IPO11: variants seen among roughly 807,000 people sequenced by gnomAD.
The protein encoded by IPO11 is importin 11.
In IPO11, 66 loss-of-function variants were observed where a neutral mutation model predicts 143.2. The observed-to-expected ratio is 0.46, with a 90% CI of 0.38 to 0.57. The LOEUF is 0.57. Among genes scored for constraint, IPO11 ranks in the 20% least tolerant of loss-of-function variants. IPO11 has a pLI of 0.00. For synonymous variants in IPO11, 385 were observed against 377.8 expected, an observed-to-expected ratio of 1.02 and a Z score of -0.22; for missense variants, 1,026 against 1,141.0, an observed-to-expected ratio of 0.90 and a Z score of 1.45.
chr5:62,459,557 C>CT (rs541435835), intron 5 of IPO11, among the ~76,000 whole-genome samples: 17,703 of 146,088 alleles, frequency 0.12, 1,120 homozygotes, highest in African/African-American at 0.18. Context: ...ATACTTAAGC[C>CT]TTTTTTTTTT....
At chr5:62,473,795 A>G (rs971986866) in intron 7 of IPO11, among the ~76,000 whole-genome samples, 1 of 152,132 alleles carries the variant, frequency 6.6e-6, no homozygotes, top group African/African-American at 2.4e-5. Flanking sequence ...TTAATTATTC[A>G]AAACATATCT....
At position 62,536,764 on chromosome 5, in the gene IPO11, TCAA is replaced by T. The variant is rs1459342937; in HGVS notation, c.2155_2157del (p.Thr719del). The T allele has an allele frequency of 5.7e-6, 9 of 1,565,538 alleles. No homozygotes were observed. The highest frequency in any genetic ancestry group is 2.0e-5 in the Admixed American group (1 of 49,656). ...CATCAATGGTTATATCTTTTTATCATCAACAGAATTTTTACAGGTATGTTGGAG... is the reference window on the plus strand; with the variant it reads ...CATCAATGGTTATATCTTTTTATCATCAGAATTTTTACAGGTATGTTGGAG... On this transcript the variant is annotated inframe_deletion, in exon 23 of 30. Coordinates refer to ENST00000325324, the MANE Select transcript of IPO11 (RefSeq NM_016338.5).
intron 1 of IPO11, among the ~76,000 whole-genome samples, chr5:62,432,957 A>G (rs1744043890): frequency 6.6e-6 from 1 of 152,170 alleles, no homozygotes. Context: ...TCTTCATTAC[A>G]ATTAGCAAGT....
Position 62,515,462 on chromosome 5 carries a change from G to A in IPO11, c.1857G>A (p.Leu619=). ...LWKQSEEHNM[L]RCAILTTLIH... The stretch of plus-strand genomic sequence containing the variant: ...AGCAGAGTGAAGAACACAATATGTT[G>A]AGATGTGCTATTTTGACAACACTTA... Residue 619 remains leucine (L), a synonymous_variant, in exon 20 of 30, where the codon TTG becomes TTA. Transcript: ENST00000325324. The A allele has an allele frequency of 6.2e-7, 1 of 1,609,194 alleles. No individual in the cohort carries two copies. The highest frequency in any genetic ancestry group is 8.5e-7 in the Non-Finnish European group (1 of 1,178,302).
At chr5:62,555,337 C>G (rs905703868) in intron 26 of IPO11, among the ~76,000 whole-genome samples, 1 of 151,036 alleles carries the variant, frequency 6.6e-6, no homozygotes, top group Non-Finnish European at 1.5e-5. Context: ...TTTTGAGAGA[C>G]AGAGTCTCAC....
intron 22 of IPO11, among the ~76,000 whole-genome samples, 195 bp downstream of exon 22, chr5:62,530,980 C>T (rs1255538347): frequency 1.3e-5 from 2 of 152,180 alleles, no homozygotes; most frequent in African/African-American, 4.8e-5. Flanking sequence ...ATTCTGTCAT[C>T]CAGTTAGTGA....
chr5:62,515,313 T>C (rs1300027756), intron 19 of IPO11, 75 bp from the exon 20 acceptor site: 1 of 866,118 alleles, frequency 1.2e-6, no homozygotes, highest in Non-Finnish European at 1.9e-6. Context: ...TTAATAGTGC[T>C]CTCATTGTTT....
chr5:62,572,333 G>C (rs901622093), intron 27 of IPO11, among the ~76,000 whole-genome samples: 7 of 152,010 alleles, frequency 4.6e-5, no homozygotes, highest in Admixed American at 2.0e-4. Flanking sequence ...CCTTTCTCTA[G>C]AAATCAAGTG....
At chr5:62,555,943 C>T (rs1345162597) in intron 26 of IPO11, among the ~76,000 whole-genome samples, 1 of 151,974 alleles carries the variant, frequency 6.6e-6, no homozygotes, top group Non-Finnish European at 1.5e-5. Flanking sequence ...AGCCACTGTG[C>T]CCAGCCACCT....
chr5:62,511,569 C>A (rs898171544), intron 19 of IPO11, among the ~76,000 whole-genome samples: 9 of 152,140 alleles, frequency 5.9e-5, no homozygotes, highest in African/African-American at 1.9e-4. Flanking sequence ...TCCCCACTAA[C>A]ACTTCACCAC....
chr5:62,417,860 GAGC>G (rs1743358233), intron 1 of IPO11, among the ~76,000 whole-genome samples: 1 of 152,066 alleles, frequency 6.6e-6, no homozygotes, highest in Non-Finnish European at 1.5e-5. Context: ...TTCCTCCTAT[GAGC>G]CATGCAGGCA....
chr5:62,567,943 TTTTG>T (rs148319525), intron 27 of IPO11, among the ~76,000 whole-genome samples: 7,755 of 151,568 alleles, frequency 0.051, 228 homozygotes, highest in South Asian at 0.082. Flanking sequence ...TTTGATTGTG[TTTTG>T]TTTATTTTTC....
At chr5:62,598,435 TCTCTCTCTCTCTC>T (rs2112441590) in intron 28 of IPO11, among the ~76,000 whole-genome samples, 10 of 3,028 alleles carry the variant, frequency 3.3e-3, no homozygotes, top group Admixed American at 0.01. Flanking sequence ...TTTCTTTCTC[TCTCTCTCTCTCTC>T]TCTCTCTCTC....
At chr5:62,566,751 A>C (rs896895053) in intron 27 of IPO11, among the ~76,000 whole-genome samples, 1 of 152,066 alleles carries the variant, frequency 6.6e-6, no homozygotes, top group African/African-American at 2.4e-5. Context: ...AAAAAAAAAA[A>C]AAGGTTTGTC....
chr5:62,488,419 T>C (rs558283252), intron 13 of IPO11, among the ~76,000 whole-genome samples: 1 of 152,090 alleles, frequency 6.6e-6, no homozygotes, highest in Non-Finnish European at 1.5e-5. Context: ...ATTCAGTAAC[T>C]ATTGTTACTT....
rs70981015 is a variant in IPO11 at position 62,470,816 on chromosome 5, C to CTTTTTTTTTTTTTTTTTTTTTTTT, written c.708+514_708+537dup. Among the ~76,000 whole-genome samples, 12 of 62,560 alleles carry CTTTTTTTTTTTTTTTTTTTTTTTT rather than the reference C, an allele frequency of 1.9e-4. 2 individuals are homozygous for CTTTTTTTTTTTTTTTTTTTTTTTT. The highest frequency in any genetic ancestry group is 2.2e-4 in the Non-Finnish European group (8 of 37,152). 41.0% of individuals were successfully genotyped at this position (62,560 alleles called of 152,430 possible). On this transcript the variant is annotated intron_variant, in intron 7 of 29. Coordinates refer to ENST00000325324, the MANE Select transcript of IPO11 (RefSeq NM_016338.5). ...TTCATTGTCTGTAGATAGCCATCTT[C>CTTTTTTTTTTTTTTTTTTTTTTTT]TTTTTTTTTTTTTTTTTTTTTTTTT...
intron 2 of IPO11, among the ~76,000 whole-genome samples, chr5:62,441,840 C>G (rs1309448367): frequency 1.3e-5 from 2 of 149,172 alleles, no homozygotes; most frequent in Non-Finnish European, 3.0e-5. Flanking sequence ...TAAAAATGTT[C>G]TGCTATCAAA....
At chr5:62,441,462 G>A (rs1201228127) in intron 2 of IPO11, among the ~76,000 whole-genome samples, 1 of 129,848 alleles carries the variant, frequency 7.7e-6, no homozygotes, top group Non-Finnish European at 1.6e-5. Flanking sequence ...CTCCCAAAGT[G>A]CTGGGATTAC....
intron 27 of IPO11, among the ~76,000 whole-genome samples, chr5:62,570,309 TC>T (rs1236925409): frequency 2.0e-5 from 3 of 152,078 alleles, no homozygotes; most frequent in East Asian, 3.9e-4. Flanking sequence ...CCCTCTCCAC[TC>T]CCCCCAAAAA....
Sources: allele counts gnomAD v4.1 joint callset (sites outside exome capture counted in the v4.1 genomes callset), GRCh38; gene constraint gnomAD v4.1.1; transcripts MANE v1.5; gene names NCBI Gene and HGNC (gene_info 2026-07-23, HGNC 2026-07-21).